The following DLC1 variants were observed in gnomAD, a reference collection of about 807,000 sequenced individuals.
DLC1 encodes the protein rho GTPase-activating protein 7.
Under a neutral mutation model 140.3 loss-of-function variants are expected in DLC1, and 54 were observed. The ratio of observed to expected loss-of-function variants is 0.38; its 90% CI spans 0.31 to 0.48. DLC1 has a LOEUF of 0.48. DLC1 is among the 20% of genes least tolerant of loss of function. DLC1 has a pLI of 0.96. For synonymous variants in DLC1, 986 were observed against 728.1 expected (o/e 1.35, Z -5.70); for missense variants, 2,536 against 1,907.0 (o/e 1.33, Z -6.14).
At chr8:13,467,803 A>AT (rs145328091) in intron 2 of DLC1, among the ~76,000 whole-genome samples, 1 of 152,032 alleles carries the variant, frequency 6.6e-6, no homozygotes, top group East Asian at 1.9e-4. Flanking sequence ...ATGATCATAA[A>AT]TTTTTTTCTC....
At chr8:13,320,385 G>T (rs1833047911) in intron 4 of DLC1, among the ~76,000 whole-genome samples, 1 of 151,898 alleles carries the variant, frequency 6.6e-6, no homozygotes, top group African/African-American at 2.4e-5. Flanking sequence ...CTTTGTACTG[G>T]GTACCACTTC....
intron 2 of DLC1, among the ~76,000 whole-genome samples, chr8:13,432,518 T>A (rs1838924582): frequency 1.3e-5 from 2 of 152,162 alleles, no homozygotes; most frequent in East Asian, 1.9e-4. Context: ...TTATCGAACA[T>A]CATTGGAGAA....
chr8:13,471,491 G>GGGAGGCAGGGAGGGAAA (rs1375409009), intron 2 of DLC1, among the ~76,000 whole-genome samples: 10 of 139,696 alleles, frequency 7.2e-5, no homozygotes, highest in Admixed American at 7.1e-4. Context: ...AAGGAAGGAA[G>GGGAGGCAGGGAGGGAAA]GGAGGCAGGG....
intron 3 of DLC1, among the ~76,000 whole-genome samples, chr8:13,397,036 C>A (rs1202426340): frequency 1.3e-5 from 2 of 151,748 alleles, no homozygotes; most frequent in African/African-American, 4.8e-5. Context: ...TCCAGTTATG[C>A]CATTCTTTGG....
intron 5 of DLC1, among the ~76,000 whole-genome samples, chr8:13,225,349 A>G (rs1007700858): frequency 6.6e-6 from 1 of 152,238 alleles, no homozygotes; most frequent in African/African-American, 2.4e-5. Context: ...AAGTCAAGAG[A>G]TTTGTCAGAG....
chr8:13,106,894 G>A (rs1819610638), intron 7 of DLC1, among the ~76,000 whole-genome samples: 1 of 152,216 alleles, frequency 6.6e-6, no homozygotes, highest in African/African-American at 2.4e-5. Flanking sequence ...CTGTAGGAAG[G>A]CAAGCAATAG....
In DLC1 at chr8:13,567,318, A is replaced by T. The variant is rs549751465; in HGVS notation, c.-126+37219T>A. On this transcript the variant is annotated intron_variant, in intron 1 of 1. Transcript: ENST00000631382. ...ACCAACCAGACACCAAACTTCCAAC[A>T]GAAATCACTCGGGTATCAGATGAAG... 46 of 1,551,766 alleles carry T rather than the reference A, an allele frequency of 3.0e-5. 1 individual carries two copies. The South Asian group carries it at 5.5e-4, about 18-fold the overall frequency.
At chr8:13,242,366 A>C (rs773317978) in intron 5 of DLC1, among the ~76,000 whole-genome samples, 1 of 151,480 alleles carries the variant, frequency 6.6e-6, no homozygotes, top group Non-Finnish European at 1.5e-5. Flanking sequence ...ATCAAAGGAA[A>C]AGAAAAAAGA....
At chr8:13,501,569 C>T (rs569335979) in intron 1 of DLC1, among the ~76,000 whole-genome samples, 1 of 152,132 alleles carries the variant, frequency 6.6e-6, no homozygotes, top group African/African-American at 2.4e-5. Flanking sequence ...TTGTAAAGGG[C>T]CTTGACTCCC....
intron 2 of DLC1, among the ~76,000 whole-genome samples, chr8:13,465,698 T>C (rs1178820602): frequency 6.6e-6 from 1 of 152,346 alleles, no homozygotes; most frequent in Non-Finnish European, 1.5e-5. Flanking sequence ...TATTTCCTTA[T>C]ACTGTGTTTC....
intron 5 of DLC1, among the ~76,000 whole-genome samples, chr8:13,236,830 G>C (rs1182937600): frequency 1.3e-5 from 2 of 152,016 alleles, no homozygotes; most frequent in Non-Finnish European, 1.5e-5. Context: ...ACTTGCCCAT[G>C]AGAAGTGTTC....
At chr8:13,099,317 C>T (rs910955285) in intron 9 of DLC1, 30 bp downstream of exon 9, 42 of 1,591,212 alleles carry the variant, frequency 2.6e-5, no homozygotes, top group Non-Finnish European at 3.5e-5. Context: ...CCCAGTGCCC[C>T]ACACCCGGAG....
rs116418644 is a variant in DLC1, at chr8:13,566,977, G to A, written c.-126+37560C>T. On this transcript the variant is annotated intron_variant, in intron 1 of 1. Coordinates refer to the DLC1 transcript ENST00000631382. Reference sequence around the variant, plus strand: ...CTGGGCAAAGGAGATGAGGAGCCGAGCCTGATGCATTGTGATGGCCATCTG... The same window carrying A: ...CTGGGCAAAGGAGATGAGGAGCCGAACCTGATGCATTGTGATGGCCATCTG... 932 of 1,533,566 alleles carry A rather than the reference G, an allele frequency of 6.1e-4. 5 individuals carry two copies. The African/African-American group carries it at 0.011, about 18-fold the overall frequency. The allele number at this position is 1,533,566 out of a possible 1,614,324, so 95.0% of individuals were successfully genotyped here.
At chr8:13,403,542 AT>A (rs1356074206) in intron 2 of DLC1, among the ~76,000 whole-genome samples, 1 of 152,214 alleles carries the variant, frequency 6.6e-6, no homozygotes, top group African/African-American at 2.4e-5. Context: ...GGTAAGTTTC[AT>A]TCTTTGTGTA....
intron 2 of DLC1, among the ~76,000 whole-genome samples, chr8:13,472,074 A>T (rs1045737414): frequency 6.6e-6 from 1 of 152,238 alleles, no homozygotes; most frequent in Non-Finnish European, 1.5e-5. Context: ...AAGTCCACAC[A>T]GATGGTAAAT....
chr8:13,141,282 A>AAAAAAAAAAAAAAAC (rs1413777536), intron 5 of DLC1, among the ~76,000 whole-genome samples: 1 of 144,084 alleles, frequency 6.9e-6, no homozygotes, highest in Non-Finnish European at 1.5e-5. Context: ...AAAAAAAAAA[A>AAAAAAAAAAAAAAAC]AAGCCAGCTG....
intron 4 of DLC1, among the ~76,000 whole-genome samples, chr8:13,385,236 C>G (rs943043210): frequency 6.6e-6 from 1 of 152,040 alleles, no homozygotes; most frequent in Non-Finnish European, 1.5e-5. Context: ...AAGATAGGAC[C>G]TTCAAAATGA....
chr8:13,454,220 T>C (rs907724639), intron 2 of DLC1, among the ~76,000 whole-genome samples: 1 of 151,908 alleles, frequency 6.6e-6, no homozygotes. Flanking sequence ...TTATACAAGG[T>C]CATAGTTTCA....
At chr8:13,584,207 C>A (rs1425195918) in intron 1 of DLC1, 2 of 153,356 alleles carry the variant, frequency 1.3e-5, no homozygotes, top group African/African-American at 4.8e-5. Flanking sequence ...ACAGTGCGAA[C>A]TGCTGAACTT....
Sources: allele counts gnomAD v4.1 joint callset (sites outside exome capture counted in the v4.1 genomes callset), GRCh38; gene constraint gnomAD v4.1.1; transcripts MANE v1.5; gene names NCBI Gene and HGNC (gene_info 2026-07-23, HGNC 2026-07-21).